GSE1: variants seen among roughly 807,000 people sequenced by gnomAD.
The protein encoded by GSE1 is genetic suppressor element 1.
Under a neutral mutation model 112.6 loss-of-function variants are expected in GSE1, and 32 were observed. The ratio of observed to expected loss-of-function variants is 0.28; its 90% CI spans 0.21 to 0.38. The LOEUF (loss-of-function observed/expected upper bound fraction) is 0.38. Among genes scored for constraint, GSE1 ranks in the 10% least tolerant of loss-of-function variants. GSE1 has a pLI of 1.00. For missense variants in GSE1, 2,348 were observed against 1,699.2 expected (o/e 1.38, Z -6.71); for synonymous variants, 1,115 against 735.6 (o/e 1.52, Z -8.35).
intron 1 of GSE1, among the ~76,000 whole-genome samples, chr16:85,296,857 G>GCTTGC (rs1440368639): frequency 6.6e-6 from 1 of 150,536 alleles, no homozygotes; most frequent in Admixed American, 6.6e-5. Context: ...CCAGTCCACA[G>GCTTGC]CTTGCCTGGA....
chr16:85,360,596 C>T (rs747564627), intron 2 of GSE1, among the ~76,000 whole-genome samples: 69 of 152,166 alleles, frequency 4.5e-4, no homozygotes, highest in Non-Finnish European at 4.9e-4. Context: ...CGCTGTCTCC[C>T]GGGCCCAGCT....
chr16:85,578,729 C>A (rs1430055795), intron 1 of GSE1, among the ~76,000 whole-genome samples: 1 of 151,444 alleles, frequency 6.6e-6, no homozygotes, highest in Non-Finnish European at 1.5e-5. Context: ...CTCCACTACC[C>A]CTCACCACAC....
At chr16:85,338,771 C>T (rs1325388997) in intron 1 of GSE1, among the ~76,000 whole-genome samples, 1 of 152,130 alleles carries the variant, frequency 6.6e-6, no homozygotes, top group Non-Finnish European at 1.5e-5. Context: ...AGCTGGGGCC[C>T]AGAGAGGTTT....
chr16:85,275,960 G>C (rs978793937), intron 1 of GSE1, among the ~76,000 whole-genome samples: 1 of 152,258 alleles, frequency 6.6e-6, no homozygotes, highest in African/African-American at 2.4e-5. Context: ...GTCAGAGGGG[G>C]TGCTTTCTAT....
At chr16:85,170,205 C>G in exon 1 of GSE1, 1 of 985,260 alleles carries the variant, frequency 1.0e-6, no homozygotes, top group Non-Finnish European at 1.2e-6. Context: ...GCGCAGAGGC[C>G]TCGGCGCAGG....
chr16:85,285,844 C>A (rs146529879), intron 1 of GSE1: 1 of 152,388 alleles, frequency 6.6e-6, no homozygotes, highest in Non-Finnish European at 1.5e-5. Context: ...TTCCGCCTCC[C>A]AGAGCTTGTG....
intron 2 of GSE1, among the ~76,000 whole-genome samples, chr16:85,408,179 T>C (rs77742611): frequency 6.8e-5 from 2 of 29,558 alleles, no homozygotes; most frequent in African/African-American, 2.1e-4. Context: ...TAATCCTCAC[T>C]GTTACACTCA....
At chr16:85,209,888 C>T (rs912146135) in intron 1 of GSE1, among the ~76,000 whole-genome samples, 7 of 152,184 alleles carry the variant, frequency 4.6e-5, no homozygotes, top group African/African-American at 1.7e-4. Context: ...AGCTGTTGGC[C>T]ACCAGAGACT....
At chr16:85,638,191 A>G (rs544161466) in intron 2 of GSE1, among the ~76,000 whole-genome samples, 3 of 152,174 alleles carry the variant, frequency 2.0e-5, no homozygotes, top group African/African-American at 7.2e-5. Context: ...TTGTGTCTCA[A>G]GGGTGTAGTT....
chr16:85,670,807 G>C (rs1317305207), intron 14 of GSE1, 188 bp from the exon 15 acceptor site: 5 of 443,910 alleles, frequency 1.1e-5, no homozygotes, highest in African/African-American at 6.2e-5. Flanking sequence ...GCTTAATTTA[G>C]TGACGTTTAT....
At chr16:85,592,874 G>C (rs1158134507) in intron 1 of GSE1, 2 of 152,418 alleles carry the variant, frequency 1.3e-5, no homozygotes, top group Admixed American at 6.5e-5. Context: ...ATTCGGAGCA[G>C]TGTGGGTGGG....
chr16:85,179,830 C>G (rs969763103), intron 1 of GSE1, among the ~76,000 whole-genome samples: 1 of 152,196 alleles, frequency 6.6e-6, no homozygotes, highest in Admixed American at 6.5e-5. Flanking sequence ...CAACCCTGGG[C>G]ATCAGAAGCC....
intron 1 of GSE1, among the ~76,000 whole-genome samples, chr16:85,567,875 A>G (rs2045826240): frequency 6.6e-6 from 1 of 151,932 alleles, no homozygotes; most frequent in Admixed American, 6.6e-5. Context: ...CGTATGCACC[A>G]CCACACCTGG....
chr16:85,637,487 A>T (rs540925142), intron 2 of GSE1, among the ~76,000 whole-genome samples: 13 of 150,816 alleles, frequency 8.6e-5, no homozygotes, highest in Non-Finnish European at 1.5e-4. Context: ...AGCAGTGGCT[A>T]TGTATCGAGT....
chr16:85,280,988 C>T (rs760834026), intron 1 of GSE1, among the ~76,000 whole-genome samples: 18 of 152,120 alleles, frequency 1.2e-4, no homozygotes, highest in Non-Finnish European at 1.9e-4. Flanking sequence ...GTGCCTGGGC[C>T]GGTCAGAGCT....
At chr16:85,635,164 T>G (rs2049885095) in intron 2 of GSE1, among the ~76,000 whole-genome samples, 1 of 152,060 alleles carries the variant, frequency 6.6e-6, no homozygotes, top group African/African-American at 2.4e-5. Flanking sequence ...TTTCTGAATG[T>G]CTCCTTCCTG....
rs375384995 is a variant in GSE1, at chr16:85,625,365, G to A, written c.8-8549G>A. Among the ~76,000 whole-genome samples the A allele has an allele frequency of 7.9e-5, 12 of 152,320 alleles. No individual in the cohort carries two copies. In the South Asian group the frequency reaches 1.7e-3, roughly 21 times the overall value. On this transcript the variant is annotated intron_variant, in intron 1 of 15. Transcript: ENST00000253458. ...GGCCGTGAACCTCAGTCGCAGGACCGTCGGCTCCTAGGAGGCTGCTGTCCG... is the reference window on the plus strand; with the variant it reads ...GGCCGTGAACCTCAGTCGCAGGACCATCGGCTCCTAGGAGGCTGCTGTCCG...
intron 1 of GSE1, among the ~76,000 whole-genome samples, chr16:85,596,045 CATTCCTCCG>C (rs1331271973): frequency 6.6e-6 from 1 of 150,790 alleles, no homozygotes; most frequent in Admixed American, 6.6e-5. Flanking sequence ...CCCATCCACC[CATTCCTCCG>C]TCCACCCCTG....
intron 2 of GSE1, among the ~76,000 whole-genome samples, chr16:85,509,202 T>G (rs147759450): frequency 4.6e-5 from 7 of 152,090 alleles, no homozygotes; most frequent in African/African-American, 1.7e-4. Flanking sequence ...TGGGTATGTG[T>G]GGGTGCACGT....
Sources: allele counts gnomAD v4.1 joint callset (sites outside exome capture counted in the v4.1 genomes callset), GRCh38; gene constraint gnomAD v4.1.1; transcripts MANE v1.5; gene names NCBI Gene and HGNC (gene_info 2026-07-23, HGNC 2026-07-21).